The following EPM2AIP1 variants were observed in gnomAD, a reference collection of about 807,000 sequenced individuals.
The protein encoded by EPM2AIP1 is EPM2A interacting protein 1.
A neutral mutation model predicts 44.8 loss-of-function variants in EPM2AIP1; 23 were observed. The ratio of observed to expected loss-of-function variants is 0.51; its 90% CI spans 0.37 to 0.73. The LOEUF is 0.73. Ranked by LOEUF, EPM2AIP1 falls within the 30% of genes least tolerant of loss-of-function variation. The pLI is 0.00. For synonymous variants in EPM2AIP1, 311 were observed against 284.3 expected (o/e 1.09, Z -0.94); for missense variants, 652 against 743.9 (o/e 0.88, Z 1.44).
At position 36,991,969 on chromosome 3, in the gene EPM2AIP1, A is replaced by C; in HGVS notation, c.1109T>G (p.Val370Gly). 2 of 1,613,898 alleles carry C rather than the reference A, an allele frequency of 1.2e-6. No homozygotes were observed. Among genetic ancestry groups the C allele is most frequent in the Non-Finnish European group, 1.7e-6 (2 of 1,179,866 alleles). The change falls in exon 1 of 1, where the codon GTC becomes GGC. Residue 370 changes from valine (V) to glycine (G), a missense_variant. Coordinates refer to ENST00000322716, the MANE Select transcript of EPM2AIP1 (RefSeq NM_014805.4). Reference sequence around the variant, plus strand: ...AAGCCATTGTTTGTCTGAGAAGTGGACTGTTGTTGCCCCTACTGAAACCAA... The same window carrying C: ...AAGCCATTGTTTGTCTGAGAAGTGGCCTGTTGTTGCCCCTACTGAAACCAA... The part of the protein sequence containing the change: ...AFLVSVGATT[V>G]HFSDKQWLCD...
rs927255909 is a variant in EPM2AIP1 at position 36,985,180 on chromosome 3, A to G, written c.*6074T>C. 1 of 152,258 alleles carries G rather than the reference A, an allele frequency of 6.6e-6. No homozygotes were observed. The highest frequency in any genetic ancestry group is 1.5e-5 in the Non-Finnish European group (1 of 68,038). The allele number at this position is 152,258 out of a possible 1,614,324, so 9.4% of individuals were successfully genotyped here. A position where few individuals can be genotyped will look rare whatever the true frequency, so the allele number is the denominator to read the frequency against. On this transcript the variant is annotated 3_prime_UTR_variant, in exon 1 of 1. Transcript: ENST00000322716. ...GAAGTAAAACATGAACTGCTACTAC[A>G]TATAACATGGATTACTCTCACAGAT...
chr3:36,989,180 T>TG lies in EPM2AIP1; in HGVS notation c.*2073dup, dbSNP rs1360798618. 3 of 152,006 alleles carry TG rather than the reference T, an allele frequency of 2.0e-5. No individual in the cohort carries two copies. The highest frequency in any genetic ancestry group is 2.0e-4 in the Admixed American group (3 of 15,262). 9.4% of individuals were successfully genotyped at this position (152,006 alleles called of 1,614,324 possible). ...TACAAGATTTCAATATTTAAGGAACTGGGGTTAGAAAGCAGAAGTGGCTTT... is the reference window on the plus strand; with the variant it reads ...TACAAGATTTCAATATTTAAGGAACTGGGGGTTAGAAAGCAGAAGTGGCTTT... On this transcript the variant is annotated 3_prime_UTR_variant, in exon 1 of 1. Transcript: ENST00000322716.
chr3:36,990,342 G>A lies in EPM2AIP1; in HGVS notation c.*912C>T, dbSNP rs966744365. ...TTTAAAATAAAGCAGCAATACCCACGCAGATAAGACAAAAAAGCTAAAATA... is the reference window on the plus strand; with the variant it reads ...TTTAAAATAAAGCAGCAATACCCACACAGATAAGACAAAAAAGCTAAAATA... On this transcript the variant is annotated 3_prime_UTR_variant, in exon 1 of 1. Transcript: ENST00000322716. 3.7e-6 allele frequency: 3 copies of A among 821,296 alleles called. No individual in the cohort carries two copies. Among genetic ancestry groups the A allele is most frequent in the African/African-American group, 1.9e-5 (1 of 53,302 alleles). 50.9% of individuals were successfully genotyped at this position (821,296 alleles called of 1,614,324 possible).
chr3:36,990,226 T>G lies in EPM2AIP1; in HGVS notation c.*1028A>C, dbSNP rs1431560339. 2 of 170,644 alleles carry G rather than the reference T, an allele frequency of 1.2e-5. No homozygotes were observed. The highest frequency in any genetic ancestry group is 2.4e-5 in the Non-Finnish European group (2 of 84,894). The allele number at this position is 170,644 out of a possible 1,614,324, so 10.6% of individuals were successfully genotyped here. Reference sequence around the variant, plus strand: ...CTTACATATAGAATGTGTACGACAGTTCCAAATTTTAGAATAAATCCATTT... The same window carrying G: ...CTTACATATAGAATGTGTACGACAGGTCCAAATTTTAGAATAAATCCATTT... On this transcript the variant is annotated 3_prime_UTR_variant, in exon 1 of 1. Coordinates refer to ENST00000322716, the MANE Select transcript of EPM2AIP1 (RefSeq NM_014805.4).
In EPM2AIP1 at chr3:36,985,743, C is replaced by T. The variant is rs923690682; in HGVS notation, c.*5511G>A. 5 of 152,202 alleles carry T rather than the reference C, an allele frequency of 3.3e-5. No homozygotes were observed. Among genetic ancestry groups the T allele is most frequent in the South Asian group, 4.1e-4 (2 of 4,830 alleles). 9.4% of individuals were successfully genotyped at this position (152,202 alleles called of 1,614,324 possible). On this transcript the variant is annotated 3_prime_UTR_variant, in exon 1 of 1. Coordinates refer to ENST00000322716, the MANE Select transcript of EPM2AIP1 (RefSeq NM_014805.4). The stretch of plus-strand genomic sequence containing the variant: ...CTTAGAGCACAAATTGGTGAACTTT[C>T]TCTGTAAAGGGCCACAGAATAAGTA...
In EPM2AIP1 at chr3:36,985,781, T is replaced by G. The variant is rs2080766460; in HGVS notation, c.*5473A>C. On this transcript the variant is annotated 3_prime_UTR_variant, in exon 1 of 1. Transcript: ENST00000322716. ...CACAGAATAAGTATTTTAGGTTTTG[T>G]GAGATGTACACACTCTGTAGCAACT... 1 of 152,226 alleles carries G rather than the reference T, an allele frequency of 6.6e-6. No homozygotes were observed. The highest frequency in any genetic ancestry group is 6.5e-5 in the Admixed American group (1 of 15,290). 9.4% of individuals were successfully genotyped at this position (152,226 alleles called of 1,614,324 possible).
In EPM2AIP1 at chr3:36,992,463, T is replaced by C; in HGVS notation, c.615A>G (p.Gln205=). Reference sequence around the variant, plus strand: ...GGTTGATTATGGTCAGAAGATCTTCTTGCACCTCCAACTCAGGGCCTACAC... The same window carrying C: ...GGTTGATTATGGTCAGAAGATCTTCCTGCACCTCCAACTCAGGGCCTACAC... ...IRGVGPELEV[Q]EDLLTIINLT... The change falls in exon 1 of 1, where the codon CAA becomes CAG. Residue 205 remains glutamine (Q), a synonymous_variant. Transcript: ENST00000322716. This position sits in a 1 kb window ranked among gnomAD's most constrained non-coding sequence, Gnocchi z 5.3. 1 of 1,613,944 alleles carries C rather than the reference T, an allele frequency of 6.2e-7. No individual in the cohort carries two copies. Among genetic ancestry groups the C allele is most frequent in the Non-Finnish European group, 8.5e-7 (1 of 1,179,876 alleles).
chr3:36,991,972 G>C lies in EPM2AIP1; in HGVS notation c.1106C>G (p.Thr369Arg). The part of the protein sequence containing the change: ...EAFLVSVGAT[T>R]VHFSDKQWLC... ...CCATTGTTTGTCTGAGAAGTGGACT[G>C]TTGTTGCCCCTACTGAAACCAAGAA... Residue 369 changes from threonine to arginine, a missense_variant, in exon 1 of 1, where the codon ACA becomes AGA. By Grantham distance (71) the Thr-to-Arg change is moderately conservative (BLOSUM62 -1). Transcript: ENST00000322716. The C allele has an allele frequency of 6.2e-7, 1 of 1,613,860 alleles. No individual in the cohort carries two copies.
At position 36,992,276 on chromosome 3, in the gene EPM2AIP1, C is replaced by T. The variant is rs750059401; in HGVS notation, c.802G>A (p.Val268Ile). Residue 268 changes from valine to isoleucine, a missense_variant, in exon 1 of 1, where the codon GTA becomes ATA. By Grantham distance (29) the Val-to-Ile change is conservative. Transcript: ENST00000322716. The surrounding 1 kb of genome is among the most constrained non-coding windows in gnomAD (Gnocchi z 5.3). Reference sequence around the variant, plus strand: ...ATGACATTCCAACAGTTGGGGCTTACGGCCTTTTCTCTCATGTATGAGACG... The same window carrying T: ...ATGACATTCCAACAGTTGGGGCTTATGGCCTTTTCTCTCATGTATGAGACG... Reference protein sequence around the residue: ...GLVSYMREKAVSPNCWNVIHY... With the variant: ...GLVSYMREKAISPNCWNVIHY... The T allele has an allele frequency of 1.2e-6, 2 of 1,613,960 alleles. No homozygotes were observed. Among genetic ancestry groups the T allele is most frequent in the Admixed American group, 1.7e-5 (1 of 60,024 alleles).
rs763725375 is a variant in EPM2AIP1, at chr3:36,992,641, G to A, written c.437C>T (p.Ser146Phe). The change falls in exon 1 of 1, where the codon TCT becomes TTT. Residue 146 changes from serine to phenylalanine, a missense_variant. Transcript: ENST00000322716. The surrounding 1 kb of genome is among the most constrained non-coding windows in gnomAD (Gnocchi z 5.3). ...HVSVLQGVDL[S>F]PDITRQRILS... ...GATCCTCTGCCTTGTGATATCTGGA[G>A]ATAAGTCAACGCCTTGCAGGACGCT... 1.2e-6 allele frequency: 2 copies of A among 1,614,022 alleles called. No individual in the cohort carries two copies. The highest frequency in any genetic ancestry group is 1.1e-5 in the South Asian group (1 of 91,092).
Position 36,992,731 on chromosome 3 carries a change from C to A in EPM2AIP1, c.347G>T (p.Gly116Val). 6.2e-7 allele frequency: 1 copy of A among 1,613,922 alleles called. No individual in the cohort carries two copies. Among genetic ancestry groups the A allele is most frequent in the Non-Finnish European group, 8.5e-7 (1 of 1,179,904 alleles). ...RLLALKGRGW[G>V]EGDFVYQCME... ...GCACTGGTATACAAAGTCCCCCTCA[C>A]CCCAGCCGCGACCCTTCAAGGCCAA... The change falls in exon 1 of 1, where the codon GGT (glycine) becomes GTT (valine). Residue 116 changes from glycine to valine, a missense_variant. By Grantham distance (109) the Gly-to-Val change is moderately radical (BLOSUM62 -3). Coordinates refer to ENST00000322716, the MANE Select transcript of EPM2AIP1 (RefSeq NM_014805.4). The surrounding 1 kb of genome is among the most constrained non-coding windows in gnomAD (Gnocchi z 5.3).
rs560703255 is a variant in EPM2AIP1 at position 36,988,228 on chromosome 3, A to G, written c.*3026T>C. 9.9e-5 allele frequency: 15 copies of G among 152,222 alleles called. No homozygotes were observed. The highest frequency in any genetic ancestry group is 1.9e-4 in the Non-Finnish European group (13 of 68,044). The allele number at this position is 152,222 out of a possible 1,614,324, so 9.4% of individuals were successfully genotyped here. On this transcript the variant is annotated 3_prime_UTR_variant, in exon 1 of 1. Coordinates refer to ENST00000322716, the MANE Select transcript of EPM2AIP1 (RefSeq NM_014805.4). ...TTGGTTGTAGTGTAGAAAGGAATAA[A>G]AATAAAAAACAGGGAGACTAATAAG... is the stretch of plus-strand genomic sequence containing the variant.
In EPM2AIP1 at chr3:36,991,877, T is replaced by C; in HGVS notation, c.1201A>G (p.Ser401Gly). The change falls in exon 1 of 1, where the codon AGT (serine) becomes GGT (glycine). Residue 401 changes from serine to glycine, a missense_variant. Physicochemically the swap from Ser to Gly is moderately conservative, Grantham distance 56. Coordinates refer to ENST00000322716, the MANE Select transcript of EPM2AIP1 (RefSeq NM_014805.4). ...AAGGCAGCAGCAGCAAAGACTTTAC[T>C]AACTCGTAATTCTTCACTGAGTTCT... ...LRELSEELRV[S>G]KVFAAAAFDH... The C allele has an allele frequency of 3.1e-6, 5 of 1,614,010 alleles. No homozygotes were observed. Among genetic ancestry groups the C allele is most frequent in the Non-Finnish European group, 4.2e-6 (5 of 1,179,896 alleles).
chr3:36,990,411 G>A lies in EPM2AIP1; in HGVS notation c.*843C>T, dbSNP rs1192547964. 6.1e-6 allele frequency: 6 copies of A among 976,538 alleles called. No homozygotes were observed. Among genetic ancestry groups the A allele is most frequent in the South Asian group, 9.5e-5 (2 of 21,060 alleles). The allele number at this position is 976,538 out of a possible 1,614,324, so 60.5% of individuals were successfully genotyped here. ...TGGAGTGCAATCTTTTTTCCTCATCGTTTTTGATAGGGCCAAACTTGTGTC... is the reference window on the plus strand; with the variant it reads ...TGGAGTGCAATCTTTTTTCCTCATCATTTTTGATAGGGCCAAACTTGTGTC... On this transcript the variant is annotated 3_prime_UTR_variant, in exon 1 of 1. Transcript: ENST00000322716.
Position 36,992,396 on chromosome 3 carries a change from G to A in EPM2AIP1, c.682C>T (p.Leu228=), listed in dbSNP as rs750146974. 2.5e-6 allele frequency: 4 copies of A among 1,613,792 alleles called. No individual in the cohort carries two copies. Among genetic ancestry groups the A allele is most frequent in the Admixed American group, 1.7e-5 (1 of 60,004 alleles). ...AGCCCTGCTGTCTGCAGGGACTCTA[G>A]GATTGCCGACATGAGCGCACCAACA... ...FSVGALMSAI[L]ESLQTAGLSL... is the part of the protein sequence containing the mutation. The change falls in exon 1 of 1, where the codon CTA becomes TTA. Residue 228 remains leucine (L), a synonymous_variant. Coordinates refer to ENST00000322716, the MANE Select transcript of EPM2AIP1 (RefSeq NM_014805.4). The surrounding 1 kb of genome is among the most constrained non-coding windows in gnomAD (Gnocchi z 5.3).
At position 36,987,969 on chromosome 3, in the gene EPM2AIP1, G is replaced by A. The variant is rs1186919580; in HGVS notation, c.*3285C>T. 1 of 152,240 alleles carries A rather than the reference G, an allele frequency of 6.6e-6. No individual in the cohort carries two copies. The highest frequency in any genetic ancestry group is 2.4e-5 in the African/African-American group (1 of 41,454). The allele number at this position is 152,240 out of a possible 1,614,324, so 9.4% of individuals were successfully genotyped here. ...GGTCCCTGCCCTTACAAAGCTTACAGTCTAGCAGTGATCAATAAGCAGTAA... is the reference window on the plus strand; with the variant it reads ...GGTCCCTGCCCTTACAAAGCTTACAATCTAGCAGTGATCAATAAGCAGTAA... On this transcript the variant is annotated 3_prime_UTR_variant, in exon 1 of 1. Coordinates refer to ENST00000322716, the MANE Select transcript of EPM2AIP1 (RefSeq NM_014805.4).
Position 36,991,142 on chromosome 3 carries a change from CTGGTACT to C in EPM2AIP1, c.*105_*111del, listed in dbSNP as rs2080800152. 6.9e-7 allele frequency: 1 copy of C among 1,448,802 alleles called. No individual in the cohort carries two copies. The highest frequency in any genetic ancestry group is 9.1e-7 in the Non-Finnish European group (1 of 1,097,582). 89.7% of individuals were successfully genotyped at this position (1,448,802 alleles called of 1,614,324 possible). ...TTTTAATTGTGATCAGTTTGGACGG[CTGGTACT>C]TGGTACTTTCTCACAATCCAAATTA... On this transcript the variant is annotated 3_prime_UTR_variant, in exon 1 of 1. Transcript: ENST00000322716.
chr3:36,991,066 G>A lies in EPM2AIP1; in HGVS notation c.*188C>T. 1.1e-5 allele frequency: 14 copies of A among 1,292,446 alleles called. No homozygotes were observed. Among genetic ancestry groups the A allele is most frequent in the African/African-American group, 1.5e-5 (1 of 66,778 alleles). The allele number at this position is 1,292,446 out of a possible 1,614,324, so 80.1% of individuals were successfully genotyped here. ...GTTTTAAAAAAGGTGGCATTCTCAT[G>A]TTTCAGTCCCATGCTGCCATTTGAG... On this transcript the variant is annotated 3_prime_UTR_variant, in exon 1 of 1. Transcript: ENST00000322716.
Position 36,989,644 on chromosome 3 carries a change from C to A in EPM2AIP1, c.*1610G>T, listed in dbSNP as rs2080791466. 1.3e-5 allele frequency: 2 copies of A among 151,922 alleles called. No individual in the cohort carries two copies. The highest frequency in any genetic ancestry group is 2.9e-5 in the Non-Finnish European group (2 of 68,012). 9.4% of individuals were successfully genotyped at this position (151,922 alleles called of 1,614,324 possible). A position where few individuals can be genotyped will look rare whatever the true frequency, so the allele number is the denominator to read the frequency against. On this transcript the variant is annotated 3_prime_UTR_variant, in exon 1 of 1. Coordinates refer to ENST00000322716, the MANE Select transcript of EPM2AIP1 (RefSeq NM_014805.4). ...GCCCTATCCCTTGAAATAAAATAATCTACATTTTGGGAGGGCTAATTCTTC... is the reference window on the plus strand; with the variant it reads ...GCCCTATCCCTTGAAATAAAATAATATACATTTTGGGAGGGCTAATTCTTC...
Sources: gnomAD v4.1 joint callset for allele counts on GRCh38, gnomAD v4.1.1 for gene constraint, Gnocchi (gnomAD v3.1) non-coding constraint, MANE v1.5 for transcripts, NCBI Gene and HGNC (gene_info 2026-07-23, HGNC 2026-07-21) for gene names.